The following THRB variants were observed in gnomAD, a reference collection of about 807,000 sequenced individuals.
THRB encodes nuclear receptor subfamily 1 group A member 2.
In THRB, 12 loss-of-function variants were observed where a neutral mutation model predicts 47.8. The observed-to-expected ratio is 0.25, with a 90% CI of 0.16 to 0.41. THRB has a LOEUF of 0.41. THRB is among the 10% of genes least tolerant of loss of function. The pLI, the probability that THRB is intolerant of heterozygous loss-of-function variation, is 1.00. For synonymous variants in THRB, 218 were observed against 212.2 expected (o/e 1.03, Z -0.24); for missense variants, 348 against 589.2 (o/e 0.59, Z 4.24).
intron 10 of THRB, among the ~76,000 whole-genome samples, chr3:24,125,755 G>A (rs2032643796): frequency 6.6e-6 from 1 of 152,174 alleles, no homozygotes; most frequent in Non-Finnish European, 1.5e-5. Context: ...GGCACGGAGA[G>A]TCCCTAGAGC....
chr3:24,444,149 C>T (rs1382590043), intron 1 of THRB, among the ~76,000 whole-genome samples: 1 of 151,876 alleles, frequency 6.6e-6, no homozygotes, highest in African/African-American at 2.4e-5. Flanking sequence ...AGTAGAATGC[C>T]AGTGAGTATT....
chr3:24,357,940 G>C (rs2063801221), intron 1 of THRB, among the ~76,000 whole-genome samples: 1 of 152,086 alleles, frequency 6.6e-6, no homozygotes, highest in Admixed American at 6.6e-5. Context: ...TTCCCTTGCA[G>C]ATTTATCACT....
intron 6 of THRB, 90 bp downstream of exon 6, chr3:24,152,300 G>C (rs2037081424): frequency 9.5e-6 from 7 of 737,874 alleles, no homozygotes; most frequent in Non-Finnish European, 1.7e-5. Flanking sequence ...ATTTTAATTT[G>C]AATTTAAACT....
At position 24,319,749 on chromosome 3, in the gene THRB, C is replaced by T. The variant is rs576710528; in HGVS notation, c.-189+17551G>A. On this transcript the variant is annotated intron_variant, in intron 2 of 10. Transcript: ENST00000646209. ...TTCTTCATAAACTCAATGGACAGAT[C>T]CCCTAGACGAGTAGAAGGGACAAAA... 2.0e-5 allele frequency among the ~76,000 whole-genome samples: 3 copies of T among 152,300 alleles called. No individual in the cohort carries two copies. The South Asian group carries it at 6.2e-4, about 32-fold the overall frequency.
intron 1 of THRB, among the ~76,000 whole-genome samples, chr3:24,482,507 CATT>C: frequency 6.6e-6 from 1 of 151,570 alleles, no homozygotes; most frequent in African/African-American, 2.4e-5. Flanking sequence ...TTCATTCATT[CATT>C]CGTTCTTTCT....
intron 1 of THRB, among the ~76,000 whole-genome samples, chr3:24,364,573 G>A (rs1055121227): frequency 5.3e-5 from 8 of 152,124 alleles, no homozygotes; most frequent in African/African-American, 7.2e-5. Flanking sequence ...TCTGTGTCAC[G>A]TAGGTAGTAA....
chr3:24,158,487 G>A (rs2038241838), intron 5 of THRB, among the ~76,000 whole-genome samples: 1 of 151,690 alleles, frequency 6.6e-6, no homozygotes, highest in Non-Finnish European at 1.5e-5. Flanking sequence ...GGAGTGCAAT[G>A]GCACGATCTC....
intron 2 of THRB, among the ~76,000 whole-genome samples, chr3:24,321,020 C>G (rs1386997517): frequency 6.6e-6 from 1 of 152,172 alleles, no homozygotes; most frequent in African/African-American, 2.4e-5. Context: ...ACCCTTTCCC[C>G]CAAGAGGACA....
At chr3:24,227,785 C>G (rs981546484) in intron 4 of THRB, among the ~76,000 whole-genome samples, 1 of 152,064 alleles carries the variant, frequency 6.6e-6, no homozygotes, top group Non-Finnish European at 1.5e-5. Flanking sequence ...AATAGATAAT[C>G]AAAGGTCAGG....
chr3:24,244,059 T>C (rs2049861722), intron 3 of THRB, among the ~76,000 whole-genome samples: 1 of 152,106 alleles, frequency 6.6e-6, no homozygotes, highest in Non-Finnish European at 1.5e-5. Flanking sequence ...GGACGAGTGG[T>C]CAGCTAGGGC....
intron 5 of THRB, among the ~76,000 whole-genome samples, chr3:24,177,981 T>C (rs934397443): frequency 1.3e-5 from 2 of 152,180 alleles, no homozygotes; most frequent in Non-Finnish European, 2.9e-5. Context: ...AATGTGCTCT[T>C]TGCCCCTATT....
chr3:24,143,638 G>C lies in THRB; in HGVS notation c.601C>G (p.Arg201Gly). 1 of 1,614,042 alleles carries C rather than the reference G, an allele frequency of 6.2e-7. No individual in the cohort carries two copies. Among genetic ancestry groups the C allele is most frequent in the Non-Finnish European group, 8.5e-7 (1 of 1,180,006 alleles). ...LIEENREKRR[R>G]EELQKSIGHK... Reference sequence around the variant, plus strand: ...CCGATGGACTTCTGCAGCTCTTCCCGCCGTCTTTTCTCCCGGTTCTCCTCT... The same window carrying C: ...CCGATGGACTTCTGCAGCTCTTCCCCCCGTCTTTTCTCCCGGTTCTCCTCT... The change falls in exon 8 of 11, where the codon CGG (arginine) becomes GGG (glycine). Residue 201 changes from arginine (R) to glycine (G), a missense_variant. Coordinates refer to ENST00000646209, the MANE Select transcript of THRB (RefSeq NM_001354712.2).
At position 24,133,355 on chromosome 3, in the gene THRB, T is replaced by C; in HGVS notation, c.846A>G (p.Arg282=). The C allele has an allele frequency of 6.2e-7, 1 of 1,614,092 alleles. No homozygotes were observed. The highest frequency in any genetic ancestry group is 1.3e-5 in the African/African-American group (1 of 75,034). The part of the protein sequence containing the change: ...FTKIITPAIT[R]VVDFAKKLPM... ...GCAACTTTTTGGCAAAATCCACCAC[T>C]CTGGTAATTGCTGGTGTGATGATTT... The change falls in exon 9 of 11, where the codon AGA becomes AGG. Residue 282 remains arginine, a synonymous_variant. Coordinates refer to ENST00000646209, the MANE Select transcript of THRB (RefSeq NM_001354712.2).
chr3:24,218,337 TC>T (rs1433729121), intron 4 of THRB, among the ~76,000 whole-genome samples: 36 of 108,214 alleles, frequency 3.3e-4, no homozygotes, highest in Non-Finnish European at 5.2e-4. Flanking sequence ...TCTCTCTCTC[TC>T]TCTCTTTTTT....
chr3:24,293,507 C>T (rs929608798), intron 3 of THRB, among the ~76,000 whole-genome samples: 1 of 152,158 alleles, frequency 6.6e-6, no homozygotes, highest in Non-Finnish European at 1.5e-5. Context: ...CAAGGACATG[C>T]TACCTCAATT....
At chr3:24,461,762 T>C (rs2073721755) in intron 1 of THRB, among the ~76,000 whole-genome samples, 2 of 152,208 alleles carry the variant, frequency 1.3e-5, no homozygotes, top group South Asian at 2.1e-4. Context: ...GGGCATGTCA[T>C]ACAGCATGCA....
rs1279636840 is a variant in THRB, at chr3:24,218,340, CTCT to C, written c.22+10595_22+10597del. 2.8e-4 allele frequency among the ~76,000 whole-genome samples: 33 copies of C among 117,290 alleles called. No individual in the cohort carries two copies. The South Asian group carries it at 3.6e-3, about 13-fold the overall frequency. 76.9% of individuals were successfully genotyped at this position (117,290 alleles called of 152,430 possible). A position where few individuals can be genotyped will look rare whatever the true frequency, so the allele number is the denominator to read the frequency against. On this transcript the variant is annotated intron_variant, in intron 4 of 10. Coordinates refer to ENST00000646209, the MANE Select transcript of THRB (RefSeq NM_001354712.2). ...AAATTTTTTGTCTCTCTCTCTCTCT[CTCT>C]TTTTTTTTTTTTTTTTTTTAAAAAG...
chr3:24,141,689 G>A (rs1464529506), intron 8 of THRB, among the ~76,000 whole-genome samples: 2 of 152,200 alleles, frequency 1.3e-5, no homozygotes, highest in East Asian at 3.9e-4. Flanking sequence ...AGTTGGACTA[G>A]TATCCCTTCT....
intron 1 of THRB, among the ~76,000 whole-genome samples, chr3:24,403,096 C>G (rs556730888): frequency 1.5e-4 from 23 of 152,090 alleles, no homozygotes; most frequent in Admixed American, 9.8e-4. Context: ...TAGATCTATA[C>G]ATAACAACAT....
Sources: gnomAD v4.1 joint callset for allele counts (sites outside exome capture counted in the v4.1 genomes callset) on GRCh38, gnomAD v4.1.1 for gene constraint, MANE v1.5 for transcripts, NCBI Gene and HGNC (gene_info 2026-07-23, HGNC 2026-07-21) for gene names.